Variants in STOX2 observed in about 807,000 individuals in gnomAD.
STOX2 encodes storkhead box 2, also known as storkhead-box protein 2.
STOX2 carries 28 observed loss-of-function variants against 60.9 expected under a neutral mutation model. That is an observed-to-expected ratio of 0.46 (90% CI 0.34 to 0.63). STOX2 has a LOEUF of 0.63. Among genes scored for constraint, STOX2 ranks in the 30% least tolerant of loss-of-function variants. The pLI is 0.01. For synonymous variants in STOX2, 472 were observed against 463.9 expected, an observed-to-expected ratio of 1.02 and a Z score of -0.22; for missense variants, 1,024 against 1,187.7, an observed-to-expected ratio of 0.86 and a Z score of 2.03.
At chr4:183,881,354 A>T (rs80241159) in intron 1 of STOX2, among the ~76,000 whole-genome samples, 1 of 152,156 alleles carries the variant, frequency 6.6e-6, no homozygotes, top group Non-Finnish European at 1.5e-5. Flanking sequence ...TACAAAAAAA[A>T]TTAGTTAGGT....
At chr4:183,969,136 G>A (rs73008329) in intron 1 of STOX2, among the ~76,000 whole-genome samples, 4,846 of 152,282 alleles carry the variant, frequency 0.032, 84 homozygotes, top group Admixed American at 0.064. Context: ...AGACATGTGG[G>A]TTTTTGAAAG....
rs527923521 is a variant in STOX2 at position 183,861,682 on chromosome 4, G to A, written c.364+63627G>A. On this transcript the variant is annotated intron_variant, in intron 1 of 2. Coordinates refer to the STOX2 transcript ENST00000513034. ...GGTTGTGGTGATTACCGGTAGGGAT[G>A]TTTGGAAGACACAATGCGACAATAT... is the stretch of plus-strand genomic sequence containing the variant. Among the ~76,000 whole-genome samples the A allele has an allele frequency of 7.9e-5, 12 of 152,334 alleles. No individual in the cohort carries two copies. In the South Asian group the frequency reaches 1.9e-3, roughly 24 times the overall value.
At chr4:183,898,290 G>A (rs1741381809) in intron 1 of STOX2, among the ~76,000 whole-genome samples, 1 of 152,100 alleles carries the variant, frequency 6.6e-6, no homozygotes, top group South Asian at 2.1e-4. Context: ...AGCAGTGAGA[G>A]GAGGTGATTG....
chr4:183,974,121 A>G (rs1362523901), intron 1 of STOX2, among the ~76,000 whole-genome samples: 1 of 152,246 alleles, frequency 6.6e-6, no homozygotes, highest in African/African-American at 2.4e-5. Flanking sequence ...AAATGATGGT[A>G]AGATTTACCA....
At chr4:183,829,944 G>A (rs191997105) in intron 1 of STOX2, among the ~76,000 whole-genome samples, 335 of 152,310 alleles carry the variant, frequency 2.2e-3, no homozygotes, top group African/African-American at 7.2e-3. Context: ...ATTTCCTCAT[G>A]GAATGCTGAA....
At position 183,962,281 on chromosome 4, in the gene STOX2, G is replaced by A. The variant is rs762656409; in HGVS notation, c.167-39044G>A. On this transcript the variant is annotated intron_variant, in intron 1 of 3. Transcript: ENST00000308497. ...AATGTAGAAATCACATTTCTTAATC[G>A]TCATAGGAAGACAACTTTATTTTGT... Among the ~76,000 whole-genome samples the A allele has an allele frequency of 3.6e-4, 54 of 151,778 alleles. 1 individual carries two copies. The highest frequency in any genetic ancestry group is 2.1e-3 in the South Asian group (10 of 4,796).
intron 1 of STOX2, among the ~76,000 whole-genome samples, chr4:183,915,480 A>T (rs1348860988): frequency 6.6e-6 from 1 of 150,656 alleles, no homozygotes; most frequent in South Asian, 2.1e-4. Context: ...TGTCGGTGTC[A>T]TTCCTCATTG....
intron 1 of STOX2, among the ~76,000 whole-genome samples, chr4:183,926,042 C>T (rs1168488650): frequency 1.3e-5 from 2 of 152,142 alleles, no homozygotes; most frequent in Non-Finnish European, 2.9e-5. Flanking sequence ...AATTTTATTA[C>T]ATGGGAGAAC....
At chr4:183,803,544 A>G (rs1050157844) in intron 1 of STOX2, among the ~76,000 whole-genome samples, 2 of 152,264 alleles carry the variant, frequency 1.3e-5, no homozygotes, top group Non-Finnish European at 2.9e-5. Flanking sequence ...ATATTGATTC[A>G]TTCAGTGACT....
At chr4:183,979,988 CTT>C (rs1405599915) in intron 1 of STOX2, among the ~76,000 whole-genome samples, 3 of 152,060 alleles carry the variant, frequency 2.0e-5, no homozygotes, top group Non-Finnish European at 4.4e-5. Flanking sequence ...TTTAGATTAA[CTT>C]ATAATTAAAT....
chr4:183,853,029 G>T (rs559236590), intron 1 of STOX2, among the ~76,000 whole-genome samples: 52 of 152,272 alleles, frequency 3.4e-4, no homozygotes, highest in African/African-American at 1.2e-3. Flanking sequence ...AGGAATAATC[G>T]CACGCAGGAA....
chr4:183,915,345 A>G (rs1199884453), intron 1 of STOX2, among the ~76,000 whole-genome samples: 2 of 151,934 alleles, frequency 1.3e-5, no homozygotes, highest in Admixed American at 6.6e-5. Context: ...GGCATATCCA[A>G]CTTTTGCTTT....
At chr4:183,926,181 A>G (rs1742235358) in intron 1 of STOX2, among the ~76,000 whole-genome samples, 1 of 152,236 alleles carries the variant, frequency 6.6e-6, no homozygotes, top group South Asian at 2.1e-4. Flanking sequence ...TAAATATTCA[A>G]GATAAAGAAA....
At chr4:183,830,469 A>G (rs1006754461) in intron 1 of STOX2, among the ~76,000 whole-genome samples, 10 of 152,138 alleles carry the variant, frequency 6.6e-5, no homozygotes, top group Admixed American at 5.2e-4. Flanking sequence ...AGTCCAGTGA[A>G]GTCCTCTGTG....
At chr4:183,902,976 C>T (rs1156859362), upstream of STOX2, among the ~76,000 whole-genome samples, 1 of 152,194 alleles carries the variant, frequency 6.6e-6, no homozygotes, top group Non-Finnish European at 1.5e-5. Flanking sequence ...CATCAACTCA[C>T]CTCCCGTCTT....
At chr4:183,960,093 A>G (rs942557587) in intron 1 of STOX2, among the ~76,000 whole-genome samples, 1 of 152,250 alleles carries the variant, frequency 6.6e-6, no homozygotes, top group African/African-American at 2.4e-5. Context: ...CTCCGTGAGC[A>G]GCTGGGATGT....
rs1163363959 is a variant in STOX2 at position 184,001,082 on chromosome 4, T to C, written c.167-243T>C. Among the ~76,000 whole-genome samples the C allele has an allele frequency of 6.6e-6, 1 of 152,178 alleles. No individual in the cohort carries two copies. The highest frequency in any genetic ancestry group is 6.5e-5 in the Admixed American group (1 of 15,280). On this transcript the variant is annotated intron_variant, in intron 1 of 3. Coordinates refer to ENST00000308497, the MANE Select transcript of STOX2 (RefSeq NM_020225.3). This position sits in a 1 kb window ranked among gnomAD's most constrained non-coding sequence, Gnocchi z 4.2. ...GTACTAGGACTATTTAAATGAGATC[T>C]CGGATGTTAAAGGGAAGTTTTATTT...
intron 1 of STOX2, among the ~76,000 whole-genome samples, chr4:183,897,065 C>T (rs1447443424): frequency 2.0e-5 from 3 of 152,160 alleles, no homozygotes; most frequent in Non-Finnish European, 4.4e-5. Context: ...GCAAGCGTTA[C>T]CCACTGCGGT....
Position 184,001,223 on chromosome 4 carries a change from TG to T in STOX2, c.167-101del. ...AGCAGCTGCTATGTTCGGAGCTGAC[TG>T]TGTTCGTCAGACCAGGGCCAGATGG... On this transcript the variant is annotated intron_variant, in intron 1 of 3. Coordinates refer to ENST00000308497, the MANE Select transcript of STOX2 (RefSeq NM_020225.3). This position sits in a 1 kb window ranked among gnomAD's most constrained non-coding sequence, Gnocchi z 4.2. 2 of 1,123,262 alleles carry T rather than the reference TG, an allele frequency of 1.8e-6. No individual in the cohort carries two copies. Among genetic ancestry groups the T allele is most frequent in the African/African-American group, 3.0e-5 (2 of 65,576 alleles). The allele number at this position is 1,123,262 out of a possible 1,614,324, so 69.6% of individuals were successfully genotyped here.
Sources: gnomAD v4.1 joint callset for allele counts (sites outside exome capture counted in the v4.1 genomes callset) on GRCh38, gnomAD v4.1.1 for gene constraint, Gnocchi (gnomAD v3.1) non-coding constraint, MANE v1.5 for transcripts, NCBI Gene and HGNC (gene_info 2026-07-23, HGNC 2026-07-21) for gene names.